CALCR: variants seen among roughly 807,000 people sequenced by gnomAD.
CALCR encodes calcitonin receptor.
Under a neutral mutation model 59.5 loss-of-function variants are expected in CALCR, and 47 were observed. That is an observed-to-expected ratio of 0.79 (90% confidence interval 0.63 to 1.01). The LOEUF is 1.01. Among genes scored for constraint, CALCR ranks in the 50% least tolerant of loss-of-function variants. The probability of loss-of-function intolerance (pLI) is 0.00; values close to 1 mark genes in which losing one functional copy is unlikely to be tolerated. For missense variants in CALCR, 566 were observed against 597.1 expected (o/e 0.95, Z 0.54); for synonymous variants, 213 against 211.3 (o/e 1.01, Z -0.07).
chr7:93,528,452 G>A (rs554072211), intron 2 of CALCR, among the ~76,000 whole-genome samples: 29 of 152,032 alleles, frequency 1.9e-4, no homozygotes, highest in Admixed American at 1.6e-3. Context: ...AACAGGCCCC[G>A]GTGTGTGATG....
intron 2 of CALCR, among the ~76,000 whole-genome samples, chr7:93,534,107 A>G (rs1788922029): frequency 6.6e-6 from 1 of 151,846 alleles, no homozygotes. Flanking sequence ...TCAATGTCAT[A>G]AAGTTCTGTA....
At chr7:93,454,255 G>A (rs1441265373) in intron 8 of CALCR, among the ~76,000 whole-genome samples, 1 of 151,832 alleles carries the variant, frequency 6.6e-6, no homozygotes, top group Admixed American at 6.6e-5. Context: ...ATCTTCCTGT[G>A]ACTACCTAAG....
At position 93,425,325 on chromosome 7, in the gene CALCR, C is replaced by T. The variant is rs1363180712; in HGVS notation, c.*1031G>A. 6.6e-6 allele frequency: 1 copy of T among 152,572 alleles called. No individual in the cohort carries two copies. 9.5% of individuals were successfully genotyped at this position (152,572 alleles called of 1,614,324 possible). On this transcript the variant is annotated 3_prime_UTR_variant, in exon 14 of 14. Transcript: ENST00000426151. The stretch of plus-strand genomic sequence containing the variant: ...CCCTCCTGGATCTTCCTGGAAAAGC[C>T]TGAGCTCTTTTTAAGCTTTGAAGCT...
At chr7:93,526,167 CT>C (rs1414026666) in intron 2 of CALCR, among the ~76,000 whole-genome samples, 1 of 152,098 alleles carries the variant, frequency 6.6e-6, no homozygotes, top group Non-Finnish European at 1.5e-5. Flanking sequence ...TAGAGTCCAT[CT>C]TTGTGAACTG....
chr7:93,451,566 G>T (rs1385357861), intron 8 of CALCR, among the ~76,000 whole-genome samples: 2 of 151,772 alleles, frequency 1.3e-5, no homozygotes, highest in African/African-American at 4.8e-5. Flanking sequence ...CAATTACAGA[G>T]AAAACAAACA....
Position 93,503,619 on chromosome 7 carries a change from A to T in CALCR, c.-26-16612T>A, listed in dbSNP as rs374273476. ...TTGAAAAAAAAGAAAAGAGGAAATGAACTATCTTGTTCTTGTTCTGTGTTT... is the reference window on the plus strand; with the variant it reads ...TTGAAAAAAAAGAAAAGAGGAAATGTACTATCTTGTTCTTGTTCTGTGTTT... On this transcript the variant is annotated intron_variant, in intron 2 of 13. Coordinates refer to ENST00000426151, the MANE Select transcript of CALCR (RefSeq NM_001742.4). 3.5e-4 allele frequency among the ~76,000 whole-genome samples: 53 copies of T among 152,280 alleles called. 2 individuals are homozygous for T. In the South Asian group the frequency reaches 0.01, roughly 29 times the overall value.
intron 2 of CALCR, among the ~76,000 whole-genome samples, chr7:93,506,248 C>G (rs934245758): frequency 3.3e-5 from 5 of 152,134 alleles, no homozygotes; most frequent in Admixed American, 3.3e-4. Context: ...TACAATATGT[C>G]TGATGCAGAT....
intron 2 of CALCR, among the ~76,000 whole-genome samples, chr7:93,504,225 G>C (rs1376159787): frequency 6.6e-6 from 1 of 152,014 alleles, no homozygotes; most frequent in Non-Finnish European, 1.5e-5. Context: ...TTGTTGTTTG[G>C]CTTCTTTGGA....
chr7:93,471,016 A>C (rs771549569), intron 6 of CALCR, among the ~76,000 whole-genome samples: 1 of 147,300 alleles, frequency 6.8e-6, no homozygotes, highest in Non-Finnish European at 1.5e-5. Flanking sequence ...ATGAGTGAGA[A>C]TATGCGGTGT....
intron 8 of CALCR, among the ~76,000 whole-genome samples, chr7:93,446,731 G>A (rs1167965180): frequency 6.6e-6 from 1 of 151,884 alleles, no homozygotes; most frequent in African/African-American, 2.4e-5. Context: ...TAGCAGCATG[G>A]GGTATTAAGG....
At chr7:93,568,448 T>C (rs10488555) in intron 2 of CALCR, among the ~76,000 whole-genome samples, 18,746 of 151,532 alleles carry the variant, frequency 0.12, 2,029 homozygotes, top group East Asian at 0.36. Flanking sequence ...TCCCACTTGA[T>C]CTACTGGTAA....
chr7:93,535,137 T>G lies in CALCR; in HGVS notation c.-27+39152A>C, dbSNP rs185146896. ...AATAATCTTTCCATAATTCTTCACT[T>G]GAATACTCAGAAAAATGAAAGTAAA... On this transcript the variant is annotated intron_variant, in intron 2 of 13. Transcript: ENST00000426151. Among the ~76,000 whole-genome samples the G allele has an allele frequency of 3.6e-3, 551 of 151,842 alleles. 4 individuals are homozygous for G. The highest frequency in any genetic ancestry group is 5.6e-3 in the Non-Finnish European group (382 of 67,734).
chr7:93,546,456 T>C (rs1171059324), intron 2 of CALCR, among the ~76,000 whole-genome samples: 1 of 152,178 alleles, frequency 6.6e-6, no homozygotes, highest in Non-Finnish European at 1.5e-5. Flanking sequence ...AGTTTTTAAG[T>C]GGCAGTAGCT....
intron 2 of CALCR, among the ~76,000 whole-genome samples, chr7:93,553,120 T>C (rs1251012505): frequency 6.6e-6 from 1 of 152,214 alleles, no homozygotes; most frequent in Non-Finnish European, 1.5e-5. Flanking sequence ...TATCCAATTA[T>C]GGGTTATTTT....
At chr7:93,478,739 G>C (rs1800726299) in intron 4 of CALCR, among the ~76,000 whole-genome samples, 1 of 151,586 alleles carries the variant, frequency 6.6e-6, no homozygotes, top group Non-Finnish European at 1.5e-5. Flanking sequence ...CAATGAGCTT[G>C]CCCATCACAT....
chr7:93,509,564 G>A (rs903213339), intron 2 of CALCR, among the ~76,000 whole-genome samples: 14 of 152,092 alleles, frequency 9.2e-5, no homozygotes, highest in Non-Finnish European at 2.1e-4. Context: ...TTTCAAAGCA[G>A]AAACTAGCTT....
chr7:93,539,670 C>T (rs571241810), intron 2 of CALCR, among the ~76,000 whole-genome samples: 6 of 151,750 alleles, frequency 4.0e-5, no homozygotes, highest in East Asian at 2.0e-4. Context: ...AGTTACCTAA[C>T]GCCTCTGAAA....
intron 8 of CALCR, among the ~76,000 whole-genome samples, chr7:93,458,745 C>G (rs564009196): frequency 2.3e-4 from 35 of 152,272 alleles, no homozygotes; most frequent in Admixed American, 1.4e-3. Flanking sequence ...ATATACCTTT[C>G]CCTCCACTTG....
In CALCR at chr7:93,499,084, T is replaced by C. The variant is rs895659420; in HGVS notation, c.-26-12077A>G. On this transcript the variant is annotated intron_variant, in intron 2 of 13. Coordinates refer to ENST00000426151, the MANE Select transcript of CALCR (RefSeq NM_001742.4). ...ATAAAATTAGACAACTGGACTATAA[T>C]TAAAGGTCTTTTTCACTCCAAGATA... 7.9e-5 allele frequency among the ~76,000 whole-genome samples: 12 copies of C among 151,796 alleles called. No individual in the cohort carries two copies. In the South Asian group the frequency reaches 2.5e-3, roughly 31 times the overall value.
Sources: allele counts gnomAD v4.1 joint callset (sites outside exome capture counted in the v4.1 genomes callset), GRCh38; gene constraint gnomAD v4.1.1; transcripts MANE v1.5; gene names NCBI Gene and HGNC (gene_info 2026-07-23, HGNC 2026-07-21).